MARCHF1: variants seen among roughly 807,000 people sequenced by gnomAD.
MARCHF1 encodes membrane associated ring-CH-type finger 1, also known as E3 ubiquitin-protein ligase MARCHF1.
In MARCHF1, 40 loss-of-function variants were observed where a neutral mutation model predicts 54.2. The observed-to-expected ratio is 0.74, with a 90% CI of 0.57 to 0.96. MARCHF1 has a LOEUF of 0.96. Among genes scored for constraint, MARCHF1 ranks in the 40% least tolerant of loss-of-function variants. The pLI, the probability that MARCHF1 is intolerant of heterozygous loss-of-function variation, is 0.00. For synonymous variants in MARCHF1, 236 were observed against 236.3 expected (o/e 1.00, Z 0.01); for missense variants, 586 against 656.5 (o/e 0.89, Z 1.17).
intron 4 of MARCHF1, among the ~76,000 whole-genome samples, chr4:163,774,947 G>C (rs113345560): frequency 1.3e-5 from 2 of 152,058 alleles, no homozygotes; most frequent in African/African-American, 4.8e-5. Flanking sequence ...GTATTCAAAG[G>C]CTGCTTCAAG....
At position 164,097,975 on chromosome 4, in the gene MARCHF1, T is replaced by A. The variant is rs188885411; in HGVS notation, c.-248+13613A>T. ...TATTCCACCATTTCCTGTGACCCCT[T>A]CAGCTTCTCCTGGCTAGACAAGTGT... On this transcript the variant is annotated intron_variant, in intron 2 of 9. Coordinates refer to ENST00000514618, the MANE Select transcript of MARCHF1 (RefSeq NM_001394959.1). 5.9e-4 allele frequency among the ~76,000 whole-genome samples: 90 copies of A among 152,292 alleles called. No individual in the cohort carries two copies. The East Asian group carries it at 0.014, about 24-fold the overall frequency.
At chr4:163,963,193 T>C (rs1365697049) in intron 3 of MARCHF1, among the ~76,000 whole-genome samples, 1 of 151,938 alleles carries the variant, frequency 6.6e-6, no homozygotes, top group Non-Finnish European at 1.5e-5. Flanking sequence ...ATCAGCCCTT[T>C]AACACTGTGA....
At chr4:163,793,805 C>G (rs886572849) in intron 4 of MARCHF1, among the ~76,000 whole-genome samples, 1 of 152,136 alleles carries the variant, frequency 6.6e-6, no homozygotes, top group African/African-American at 2.4e-5. Context: ...CAGTCACGTA[C>G]CCCCTGCTTG....
intron 3 of MARCHF1, among the ~76,000 whole-genome samples, chr4:163,931,746 T>C (rs1751681891): frequency 1.3e-5 from 2 of 152,210 alleles, no homozygotes; most frequent in African/African-American, 4.8e-5. Flanking sequence ...AATACACCAA[T>C]GACAGATGTT....
At chr4:163,833,455 T>C (rs1041638551) in intron 4 of MARCHF1, among the ~76,000 whole-genome samples, 12 of 151,902 alleles carry the variant, frequency 7.9e-5, no homozygotes, top group African/African-American at 1.2e-4. Context: ...AGAAAATTTT[T>C]GCAACCTACT....
At position 163,528,887 on chromosome 4, in the gene MARCHF1, G is replaced by A. The variant is rs751714952; in HGVS notation, c.1499C>T (p.Thr500Ile). 1 of 1,613,328 alleles carries A rather than the reference G, an allele frequency of 6.2e-7. No homozygotes were observed. The highest frequency in any genetic ancestry group is 8.5e-7 in the Non-Finnish European group (1 of 1,179,564). Residue 500 changes from threonine to isoleucine, a missense_variant, in exon 10 of 10, where the codon ACT (threonine) becomes ATT (isoleucine). Thr to Ile is a moderately conservative substitution (Grantham distance 89). Coordinates refer to ENST00000514618, the MANE Select transcript of MARCHF1 (RefSeq NM_001394959.1). Reference sequence around the variant, plus strand: ...GAAGTTCTTCTCCAGTTTTTTGGCAGTGTCTGGGCAATTTTGTACAAAGAT... The same window carrying A: ...GAAGTTCTTCTCCAGTTTTTTGGCAATGTCTGGGCAATTTTGTACAAAGAT... ...RVIFVQNCPDTAKKLEKNFSC... is the reference protein window; with the variant it reads ...RVIFVQNCPDIAKKLEKNFSC...
Position 163,930,184 on chromosome 4 carries a change from C to T in MARCHF1, c.-39+58317G>A, listed in dbSNP as rs116381554. Among the ~76,000 whole-genome samples, 1,499 of 150,854 alleles carry T rather than the reference C, an allele frequency of 9.9e-3. 24 individuals are homozygous for T. The highest frequency in any genetic ancestry group is 0.031 in the African/African-American group (1,286 of 41,034). ...CAGAAATGGAAAAGCAATCAGGGAA[C>T]ACTAAGTTAGACAGTAACTGTAAGA... On this transcript the variant is annotated intron_variant, in intron 3 of 9. Transcript: ENST00000514618.
chr4:163,988,942 T>C (rs1752920144), intron 2 of MARCHF1: 1 of 152,196 alleles, frequency 6.6e-6, no homozygotes, highest in Non-Finnish European at 1.5e-5. Context: ...TCAATTTCTA[T>C]GGTACCTAAT....
intron 2 of MARCHF1, among the ~76,000 whole-genome samples, chr4:164,067,647 T>C (rs1029098961): frequency 6.6e-6 from 1 of 152,062 alleles, no homozygotes; most frequent in Non-Finnish European, 1.5e-5. Flanking sequence ...ACCTAGGAAA[T>C]ACCCTTTTTT....
intron 1 of MARCHF1, among the ~76,000 whole-genome samples, chr4:164,351,879 T>C (rs1730350607): frequency 1.3e-5 from 2 of 151,264 alleles, no homozygotes; most frequent in South Asian, 2.1e-4. Flanking sequence ...TTTAGAAGAA[T>C]GTATAACTAG....
At chr4:164,058,611 G>A (rs1754546003) in intron 2 of MARCHF1, among the ~76,000 whole-genome samples, 1 of 152,168 alleles carries the variant, frequency 6.6e-6, no homozygotes, top group Admixed American at 6.5e-5. Flanking sequence ...ACTTGGAGGT[G>A]TGGATCACAC....
intron 3 of MARCHF1, among the ~76,000 whole-genome samples, chr4:163,923,028 G>T (rs1751464366): frequency 1.3e-5 from 2 of 151,998 alleles, no homozygotes; most frequent in South Asian, 4.2e-4. Context: ...CAAATGTCAG[G>T]CATGTATAAC....
chr4:163,728,028 G>A (rs1440347426), intron 4 of MARCHF1, among the ~76,000 whole-genome samples: 2 of 152,056 alleles, frequency 1.3e-5, no homozygotes, highest in Non-Finnish European at 2.9e-5. Flanking sequence ...TCTGCAGCCT[G>A]TATTTATGTG....
At chr4:163,648,796 A>G (rs1417981461) in intron 5 of MARCHF1, among the ~76,000 whole-genome samples, 2 of 151,978 alleles carry the variant, frequency 1.3e-5, no homozygotes, top group Admixed American at 6.6e-5. Context: ...ATCAAAAAAG[A>G]ACGTGGAATT....
intron 1 of MARCHF1, among the ~76,000 whole-genome samples, chr4:164,114,987 TACAATCTCAGAAGGTGG>T (rs1329650407): frequency 6.6e-6 from 1 of 152,030 alleles, no homozygotes; most frequent in Non-Finnish European, 1.5e-5. Context: ...TGTGTTCCCT[TACAATCTCAGAAGGTGG>T]ACGTATTTTT....
chr4:164,325,757 G>A (rs1046279768), intron 1 of MARCHF1, among the ~76,000 whole-genome samples: 3 of 151,770 alleles, frequency 2.0e-5, no homozygotes, highest in Non-Finnish European at 4.4e-5. Context: ...AGACCTCAGT[G>A]CTCAAGAAAG....
intron 2 of MARCHF1, among the ~76,000 whole-genome samples, chr4:164,062,641 C>G (rs1754644001): frequency 6.6e-6 from 1 of 152,154 alleles, no homozygotes; most frequent in Non-Finnish European, 1.5e-5. Context: ...TCTCCTGCCT[C>G]AGCCTCCTGG....
chr4:164,230,157 A>G (rs530137393), intron 1 of MARCHF1, among the ~76,000 whole-genome samples: 1 of 152,238 alleles, frequency 6.6e-6, no homozygotes, highest in Non-Finnish European at 1.5e-5. Flanking sequence ...GCACTTTGGG[A>G]GGCTGAGGCA....
chr4:163,827,218 T>C (rs971034728), intron 4 of MARCHF1, among the ~76,000 whole-genome samples: 3 of 152,176 alleles, frequency 2.0e-5, no homozygotes, highest in Admixed American at 2.0e-4. Flanking sequence ...CTGAAACATA[T>C]TGATGTTTTA....
Sources: allele counts gnomAD v4.1 joint callset (sites outside exome capture counted in the v4.1 genomes callset), GRCh38; gene constraint gnomAD v4.1.1; transcripts MANE v1.5; gene names NCBI Gene and HGNC (gene_info 2026-07-23, HGNC 2026-07-21).